ERN1: variants seen among roughly 807,000 people sequenced by gnomAD.
ERN1 encodes the protein serine/threonine-protein kinase/endoribonuclease IRE1.
In ERN1, 39 loss-of-function variants were observed where a neutral mutation model predicts 113.1. The ratio of observed to expected loss-of-function variants is 0.34; its 90% CI spans 0.27 to 0.45. The LOEUF is 0.45. ERN1 is among the 20% of genes least tolerant of loss of function. The pLI is 1.00. For synonymous variants in ERN1, 507 were observed against 515.9 expected (o/e 0.98, Z 0.23); for missense variants, 976 against 1,274.8 (o/e 0.77, Z 3.57).
chr17:64,086,905 A>C (rs913104396), intron 2 of ERN1, among the ~76,000 whole-genome samples: 2 of 151,868 alleles, frequency 1.3e-5, no homozygotes, highest in African/African-American at 4.8e-5. Context: ...TGGCCTCCCA[A>C]AGTGCTGGGA....
In ERN1 at chr17:64,044,632, C is replaced by T. The variant is rs1415588305; in HGVS notation, c.2721+228G>A. On this transcript the variant is annotated intron_variant, in intron 21 of 21. Transcript: ENST00000433197. The surrounding 1 kb of genome is among the most constrained non-coding windows in gnomAD (Gnocchi z 4.1). ...GACCAGAGACCATGAGGGACATGGG[C>T]CGCAGAGCACTGCTTCCCGGAGCTT... Among the ~76,000 whole-genome samples the T allele has an allele frequency of 2.0e-5, 3 of 152,224 alleles. No homozygotes were observed. Among genetic ancestry groups the T allele is most frequent in the Admixed American group, 2.0e-4 (3 of 15,284 alleles).
At position 64,043,945 on chromosome 17, in the gene ERN1, T is replaced by C. The variant is rs1912419519; in HGVS notation, c.*43A>G. The C allele has an allele frequency of 7.4e-7, 1 of 1,346,392 alleles. No homozygotes were observed. The highest frequency in any genetic ancestry group is 1.0e-6 in the Non-Finnish European group (1 of 958,604). The allele number at this position is 1,346,392 out of a possible 1,614,324, so 83.4% of individuals were successfully genotyped here. A position where few individuals can be genotyped will look rare whatever the true frequency, so the allele number is the denominator to read the frequency against. ...AGCTCTAATTGTGGTGACCAGGCCCTCAGTCACAGCTGGGGCCACCAGAAC... is the reference window on the plus strand; with the variant it reads ...AGCTCTAATTGTGGTGACCAGGCCCCCAGTCACAGCTGGGGCCACCAGAAC... On this transcript the variant is annotated 3_prime_UTR_variant, in exon 22 of 22. Coordinates refer to ENST00000433197, the MANE Select transcript of ERN1 (RefSeq NM_001433.5).
In ERN1 at chr17:64,054,548, G is replaced by A; in HGVS notation, c.1764-109C>T. Reference sequence around the variant, plus strand: ...CACCTACTGCCTCCCAGCCTAGAGAGCCCCGCCTGACTGCCTGGTGGCCCC... The same window carrying A: ...CACCTACTGCCTCCCAGCCTAGAGAACCCCGCCTGACTGCCTGGTGGCCCC... On this transcript the variant is annotated intron_variant, in intron 14 of 21. Coordinates refer to ENST00000433197, the MANE Select transcript of ERN1 (RefSeq NM_001433.5). This position sits in a 1 kb window ranked among gnomAD's most constrained non-coding sequence, Gnocchi z 4.9. 8.4e-7 allele frequency: 1 copy of A among 1,184,540 alleles called. No individual in the cohort carries two copies. Among genetic ancestry groups the A allele is most frequent in the South Asian group, 1.5e-5 (1 of 65,770 alleles). The allele number at this position is 1,184,540 out of a possible 1,614,324, so 73.4% of individuals were successfully genotyped here.
intron 2 of ERN1, among the ~76,000 whole-genome samples, chr17:64,085,173 T>C (rs1306569916): frequency 6.6e-6 from 1 of 152,194 alleles, no homozygotes; most frequent in Non-Finnish European, 1.5e-5. Flanking sequence ...TCATTTCCTG[T>C]CTTAGTCTGT....
intron 1 of ERN1, among the ~76,000 whole-genome samples, chr17:64,099,763 G>A (rs894387256): frequency 7.2e-5 from 11 of 152,170 alleles, no homozygotes; most frequent in Non-Finnish European, 1.2e-4. Context: ...TGAGGTGGCA[G>A]GACAAATACT....
At chr17:64,053,014 C>T in intron 16 of ERN1, 35 bp from the exon 17 acceptor site, 2 of 1,455,094 alleles carry the variant, frequency 1.4e-6, no homozygotes, top group Middle Eastern at 1.9e-4. Context: ...CAATGCTTAC[C>T]AGGAGCAACC....
chr17:64,082,670 G>C (rs1317435294), intron 2 of ERN1, among the ~76,000 whole-genome samples: 1 of 152,160 alleles, frequency 6.6e-6, no homozygotes, highest in Non-Finnish European at 1.5e-5. Context: ...CAGTCACACA[G>C]ACTCGTCTTC....
chr17:64,105,104 G>A (rs985170725), intron 1 of ERN1, among the ~76,000 whole-genome samples: 3 of 151,712 alleles, frequency 2.0e-5, no homozygotes, highest in African/African-American at 4.9e-5. Context: ...CAACCCAACT[G>A]TACATCCCTC....
At chr17:64,129,615 A>C (rs1934399866) in intron 1 of ERN1, 1 of 365,334 alleles carries the variant, frequency 2.7e-6, no homozygotes, top group African/African-American at 2.1e-5. Flanking sequence ...AGGGTCCCGC[A>C]GGTGGGCGGC....
chr17:64,052,051 G>C (rs947114691), intron 17 of ERN1, among the ~76,000 whole-genome samples: 7 of 152,154 alleles, frequency 4.6e-5, no homozygotes, highest in Non-Finnish European at 8.8e-5. Context: ...AATCTAGGTG[G>C]AGATACACAG....
At chr17:64,105,846 T>C (rs1192042548) in intron 1 of ERN1, among the ~76,000 whole-genome samples, 1 of 151,948 alleles carries the variant, frequency 6.6e-6, no homozygotes, top group Non-Finnish European at 1.5e-5. Context: ...TCCCAGCTAC[T>C]TGGGAAGCTG....
chr17:64,078,146 G>T (rs947041667), intron 4 of ERN1, among the ~76,000 whole-genome samples: 1 of 152,178 alleles, frequency 6.6e-6, no homozygotes, highest in African/African-American at 2.4e-5. Flanking sequence ...CTGCACTTCC[G>T]CCAGCAGTAG....
At chr17:64,086,136 C>T (rs895708493) in intron 2 of ERN1, among the ~76,000 whole-genome samples, 1 of 152,200 alleles carries the variant, frequency 6.6e-6, no homozygotes, top group East Asian at 1.9e-4. Context: ...TTGGCTCTGC[C>T]TGCTCTTCTG....
At position 64,044,450 on chromosome 17, in the gene ERN1, G is replaced by A. The variant is rs919426431; in HGVS notation, c.2722-250C>T. ...GGGGGTGCTCAGGCCTTCTGTGACA[G>A]TCAGGACCTGGAGACACTCCTGGCC... On this transcript the variant is annotated intron_variant, in intron 21 of 21. Coordinates refer to ENST00000433197, the MANE Select transcript of ERN1 (RefSeq NM_001433.5). The surrounding 1 kb of genome is among the most constrained non-coding windows in gnomAD (Gnocchi z 4.1). 1.1e-4 allele frequency among the ~76,000 whole-genome samples: 17 copies of A among 152,242 alleles called. No homozygotes were observed. The highest frequency in any genetic ancestry group is 3.4e-4 in the African/African-American group (14 of 41,458).
intron 8 of ERN1, among the ~76,000 whole-genome samples, chr17:64,065,555 C>T (rs1038301334): frequency 1.3e-5 from 2 of 152,104 alleles, no homozygotes; most frequent in Non-Finnish European, 2.9e-5. Context: ...TAGACGATGC[C>T]CATGATGCCT....
rs115412943 is a variant in ERN1, at chr17:64,124,942, T to G, written c.54+5034A>C. Among the ~76,000 whole-genome samples the G allele has an allele frequency of 3.9e-3, 596 of 152,232 alleles. 4 individuals are homozygous for G. The highest frequency in any genetic ancestry group is 0.014 in the African/African-American group (565 of 41,532). On this transcript the variant is annotated intron_variant, in intron 1 of 21. Coordinates refer to ENST00000433197, the MANE Select transcript of ERN1 (RefSeq NM_001433.5). ...AATAGGCAAATTTATAGACAGAAAGTAGATTTGTGGTTGCCAAGGACTAGG... is the reference window on the plus strand; with the variant it reads ...AATAGGCAAATTTATAGACAGAAAGGAGATTTGTGGTTGCCAAGGACTAGG...
chr17:64,121,601 T>G (rs983925576), intron 1 of ERN1, among the ~76,000 whole-genome samples: 1 of 152,192 alleles, frequency 6.6e-6, no homozygotes, highest in African/African-American at 2.4e-5. Flanking sequence ...GCGATTCTTC[T>G]GCCTCAGCCT....
At chr17:64,056,082 T>TGCCTTCCA in intron 12 of ERN1, 134 bp from the exon 13 acceptor site, 1 of 1,371,104 alleles carries the variant, frequency 7.3e-7, no homozygotes, top group South Asian at 1.6e-5. Flanking sequence ...AAGAGACCAG[T>TGCCTTCCA]GAGAAGGCAC....
chr17:64,085,665 G>A (rs910155776), intron 2 of ERN1, among the ~76,000 whole-genome samples: 1 of 152,194 alleles, frequency 6.6e-6, no homozygotes, highest in East Asian at 1.9e-4. Flanking sequence ...CAGCAGATAA[G>A]CTCTACTCAC....
Sources: gnomAD v4.1 joint callset for allele counts (sites outside exome capture counted in the v4.1 genomes callset) on GRCh38, gnomAD v4.1.1 for gene constraint, Gnocchi (gnomAD v3.1) non-coding constraint, MANE v1.5 for transcripts, NCBI Gene and HGNC (gene_info 2026-07-23, HGNC 2026-07-21) for gene names.